Variants in VSTM4 observed in about 807,000 individuals in gnomAD.
VSTM4 encodes the protein V-set and transmembrane domain-containing protein 4.
A neutral mutation model predicts 36.4 loss-of-function variants in VSTM4; 20 were observed. That is an observed-to-expected ratio of 0.55 (90% confidence interval 0.39 to 0.80). The LOEUF (loss-of-function observed/expected upper bound fraction) is 0.80. VSTM4 is among the 30% of genes least tolerant of loss of function. The pLI is 0.00. For synonymous variants in VSTM4, 182 were observed against 173.9 expected (o/e 1.05, Z -0.37); for missense variants, 392 against 404.5 (o/e 0.97, Z 0.26).
At chr10:49,063,898 CT>C (rs958416681) in intron 5 of VSTM4, among the ~76,000 whole-genome samples, 2 of 152,206 alleles carry the variant, frequency 1.3e-5, no homozygotes, top group South Asian at 4.1e-4. Context: ...GGAGGAGCCC[CT>C]GATCCATCCT....
chr10:49,047,317 C>T (rs1325415320), intron 6 of VSTM4, among the ~76,000 whole-genome samples: 1 of 152,088 alleles, frequency 6.6e-6, no homozygotes, highest in Non-Finnish European at 1.5e-5. Flanking sequence ...CAGGTGTGAA[C>T]CAGATGCACC....
At chr10:49,044,652 G>T (rs1843576791) in intron 7 of VSTM4, among the ~76,000 whole-genome samples, 1 of 152,166 alleles carries the variant, frequency 6.6e-6, no homozygotes, top group African/African-American at 2.4e-5. Context: ...CCAGTCTGCA[G>T]CTTGCCTTTT....
At chr10:49,071,029 G>A (rs961714050) in intron 4 of VSTM4, among the ~76,000 whole-genome samples, 3 of 152,234 alleles carry the variant, frequency 2.0e-5, no homozygotes, top group South Asian at 2.1e-4. Flanking sequence ...ACAGCCACAG[G>A]CCCTTAGCTT....
intron 2 of VSTM4, among the ~76,000 whole-genome samples, chr10:49,090,078 T>C (rs1407249417): frequency 1.3e-5 from 2 of 152,152 alleles, no homozygotes; most frequent in Non-Finnish European, 2.9e-5. Context: ...GAGAAAAAAT[T>C]TGGCAAGACT....
chr10:49,019,833 C>A, intron 7 of VSTM4, 58 bp from the exon 8 acceptor site: 1 of 1,557,654 alleles, frequency 6.4e-7, no homozygotes, highest in East Asian at 2.3e-5. Flanking sequence ...AGCTCTACAT[C>A]ACACATTCAT....
chr10:49,072,467 G>T (rs1218577212), intron 4 of VSTM4, among the ~76,000 whole-genome samples: 3 of 152,318 alleles, frequency 2.0e-5, no homozygotes, highest in African/African-American at 7.2e-5. Context: ...CTTGTTCCTT[G>T]CTTGCTTGGC....
chr10:49,071,589 C>G (rs1844080697), intron 4 of VSTM4, among the ~76,000 whole-genome samples: 1 of 152,226 alleles, frequency 6.6e-6, no homozygotes, highest in African/African-American at 2.4e-5. Flanking sequence ...GGCAGAGAAG[C>G]AGCAAGGCTG....
intron 7 of VSTM4, among the ~76,000 whole-genome samples, chr10:49,022,025 G>T (rs1843188795): frequency 6.6e-6 from 1 of 152,156 alleles, no homozygotes; most frequent in Non-Finnish European, 1.5e-5. Context: ...CTCTTTCTAG[G>T]GAAGTAACCT....
chr10:49,094,676 C>G (rs1398836387), intron 2 of VSTM4, among the ~76,000 whole-genome samples: 6 of 152,220 alleles, frequency 3.9e-5, no homozygotes, highest in Admixed American at 3.9e-4. Context: ...ATTCAGTTCA[C>G]TCTCCCTTCT....
At chr10:49,106,495 C>T (rs1266776723) in intron 2 of VSTM4, among the ~76,000 whole-genome samples, 1 of 152,212 alleles carries the variant, frequency 6.6e-6, no homozygotes, top group Non-Finnish European at 1.5e-5. Flanking sequence ...TGAGATGTTG[C>T]AGAAATGCTG....
chr10:49,093,366 G>A (rs1844512748), intron 2 of VSTM4, among the ~76,000 whole-genome samples: 1 of 152,172 alleles, frequency 6.6e-6, no homozygotes, highest in East Asian at 1.9e-4. Context: ...CACTGGTAGG[G>A]GGACAAGGGA....
rs1843076128 is a variant in VSTM4 at position 49,014,579 on chromosome 10, C to G, written c.*5071G>C. 1 of 150,340 alleles carries G rather than the reference C, an allele frequency of 6.7e-6. No individual in the cohort carries two copies. Among genetic ancestry groups the G allele is most frequent in the Non-Finnish European group, 1.5e-5 (1 of 67,718 alleles). The allele number at this position is 150,340 out of a possible 1,614,324, so 9.3% of individuals were successfully genotyped here. ...AGCAGACCAGACACAGCTCAGCGCC[C>G]ACGTCTGTTAGCCTTAGGCACTGGG... On this transcript the variant is annotated 3_prime_UTR_variant, in exon 8 of 8. Transcript: ENST00000332853.
At chr10:49,059,767 G>A (rs1843843101) in intron 5 of VSTM4, among the ~76,000 whole-genome samples, 1 of 152,118 alleles carries the variant, frequency 6.6e-6, no homozygotes, top group Non-Finnish European at 1.5e-5. Context: ...CTGATCACAG[G>A]TGTATAATTC....
At chr10:49,042,069 T>A (rs1289554644) in intron 7 of VSTM4, among the ~76,000 whole-genome samples, 1 of 152,180 alleles carries the variant, frequency 6.6e-6, no homozygotes, top group East Asian at 1.9e-4. Flanking sequence ...AAGAGCCACA[T>A]AAACACGCAC....
intron 5 of VSTM4, among the ~76,000 whole-genome samples, chr10:49,053,651 G>A (rs1294763616): frequency 6.6e-6 from 1 of 152,208 alleles, no homozygotes; most frequent in Non-Finnish European, 1.5e-5. Context: ...GACGTTTCAT[G>A]GTACTACCCA....
intron 5 of VSTM4, among the ~76,000 whole-genome samples, chr10:49,053,780 C>T (rs1349567176): frequency 2.0e-5 from 3 of 152,174 alleles, no homozygotes; most frequent in Non-Finnish European, 4.4e-5. Context: ...GATATTACAG[C>T]ATGACATCCC....
At chr10:49,062,392 G>A (rs1018482695) in intron 5 of VSTM4, among the ~76,000 whole-genome samples, 3 of 152,178 alleles carry the variant, frequency 2.0e-5, no homozygotes, top group Non-Finnish European at 4.4e-5. Context: ...TCCTTCTTCT[G>A]AGAATGTCTT....
chr10:49,046,051 G>A (rs73300958), intron 7 of VSTM4, among the ~76,000 whole-genome samples: 2,710 of 152,140 alleles, frequency 0.018, 51 homozygotes, highest in African/African-American at 0.048. Context: ...ACCCTCTCTC[G>A]CCTGCCTCCA....
At chr10:49,070,904 C>T (rs1342232289) in intron 4 of VSTM4, among the ~76,000 whole-genome samples, 2 of 152,204 alleles carry the variant, frequency 1.3e-5, no homozygotes, top group African/African-American at 4.8e-5. Context: ...AGGCCATCCT[C>T]TGCTCCTCAT....
Sources: gnomAD v4.1 joint callset for allele counts (sites outside exome capture counted in the v4.1 genomes callset) on GRCh38, gnomAD v4.1.1 for gene constraint, MANE v1.5 for transcripts, NCBI Gene and HGNC (gene_info 2026-07-23, HGNC 2026-07-21) for gene names.